LIN7B: variants seen among roughly 807,000 people sequenced by gnomAD.
LIN7B encodes the protein protein lin-7 homolog B.
Under a neutral mutation model 27.9 loss-of-function variants are expected in LIN7B, and 16 were observed. That is an observed-to-expected ratio of 0.57 (90% CI 0.39 to 0.87). The LOEUF is 0.87. Ranked by LOEUF, LIN7B falls within the 40% of genes least tolerant of loss-of-function variation. The pLI is 0.00. For missense variants in LIN7B, 291 were observed against 288.5 expected (o/e 1.01, Z -0.06); for synonymous variants, 147 against 120.8 (o/e 1.22, Z -1.42).
At chr19:49,114,550 G>A (rs2040792224) in intron 1 of LIN7B, 109 bp downstream of exon 1, 2 of 895,704 alleles carry the variant, frequency 2.2e-6, no homozygotes, top group Non-Finnish European at 1.5e-6. Context: ...AGCGGACCCG[G>A]AGGGGGTGGG....
chr19:49,115,247 C>T lies in LIN7B; in HGVS notation c.157-13C>T, dbSNP rs1284807374. 6.5e-7 allele frequency: 1 copy of T among 1,548,930 alleles called. No homozygotes were observed. Among genetic ancestry groups the T allele is most frequent in the Non-Finnish European group, 8.7e-7 (1 of 1,144,968 alleles). The stretch of plus-strand genomic sequence containing the variant: ...AGCTGGCGACTCCCTGATGCCGCTG[C>T]CTCCTCACCCAGGTGTATGAGCAGC... On this transcript the variant is annotated splice_polypyrimidine_tract_variant and intron_variant, in intron 2 of 5. Coordinates refer to ENST00000221459, the MANE Select transcript of LIN7B (RefSeq NM_022165.3).
intron 2 of LIN7B, 113 bp from the exon 3 acceptor site, chr19:49,115,147 C>A: frequency 3.0e-6 from 3 of 997,782 alleles, no homozygotes; most frequent in Non-Finnish European, 4.2e-6. Context: ...CCTTCTGTTG[C>A]GGGGGCGGGG....
Position 49,118,415 on chromosome 19 carries a change from A to C in LIN7B, c.*42A>C, listed in dbSNP as rs768335357. ...GTTCACGTGCACTCTCTTCCTGTACAGTATTTATTGTTCCTGGCACTTTAT... is the reference window on the plus strand; with the variant it reads ...GTTCACGTGCACTCTCTTCCTGTACCGTATTTATTGTTCCTGGCACTTTAT... On this transcript the variant is annotated 3_prime_UTR_variant, in exon 6 of 6. Coordinates refer to ENST00000221459, the MANE Select transcript of LIN7B (RefSeq NM_022165.3). The C allele has an allele frequency of 6.2e-7, 1 of 1,609,690 alleles. No individual in the cohort carries two copies. Among genetic ancestry groups the C allele is most frequent in the Admixed American group, 1.7e-5 (1 of 60,000 alleles).
Position 49,118,012 on chromosome 19 carries a change from G to C in LIN7B, c.596G>C (p.Ser199Thr), listed in dbSNP as rs147107836. The change falls in exon 5 of 6, where the codon AGC (serine) becomes ACC (threonine). Residue 199 changes from serine to threonine, a missense_variant. Transcript: ENST00000221459. The part of the protein sequence containing the change: ...RSARRRQQHQ[S>T]YSSLESRG Reference sequence around the variant, plus strand: ...GCCCGCCGGCGCCAACAGCATCAGAGCTACTCGTGAGCCCCTGGGTCACCA... The same window carrying C: ...GCCCGCCGGCGCCAACAGCATCAGACCTACTCGTGAGCCCCTGGGTCACCA... 33 of 1,613,950 alleles carry C rather than the reference G, an allele frequency of 2.0e-5. No homozygotes were observed. In the East Asian group the frequency reaches 7.4e-4, roughly 36 times the overall value.
At position 49,116,323 on chromosome 19, in the gene LIN7B, C is replaced by T; in HGVS notation, c.289C>T (p.Pro97Ser). ...GHAHPRVVEL[P>S]KTDEGLGFNI... ...CGCACATCCCAGGGTAGTGGAGCTA[C>T]CCAAGACGGATGAGGGCCTAGGCTT... The change falls in exon 4 of 6, where the codon CCC becomes TCC. Residue 97 changes from proline to serine, a missense_variant. Physicochemically the swap from Pro to Ser is moderately conservative, Grantham distance 74. Coordinates refer to ENST00000221459, the MANE Select transcript of LIN7B (RefSeq NM_022165.3). 5 of 1,614,176 alleles carry T rather than the reference C, an allele frequency of 3.1e-6. No individual in the cohort carries two copies. In the South Asian group the frequency reaches 3.3e-5, roughly 11 times the overall value.
chr19:49,114,383 G>A lies in LIN7B; in HGVS notation c.-22G>A, dbSNP rs2040786509. On this transcript the variant is annotated 5_prime_UTR_variant, in exon 1 of 6. Transcript: ENST00000221459. ...CTCGCCGGCGCCAGGGCAGGCGGGCGGCTGGCAGCTGTGGCGCCGACATGG... is the reference window on the plus strand; with the variant it reads ...CTCGCCGGCGCCAGGGCAGGCGGGCAGCTGGCAGCTGTGGCGCCGACATGG... The A allele has an allele frequency of 8.4e-7, 1 of 1,193,774 alleles. No homozygotes were observed. The highest frequency in any genetic ancestry group is 4.2e-5 in the South Asian group (1 of 24,050). The allele number at this position is 1,193,774 out of a possible 1,614,324, so 73.9% of individuals were successfully genotyped here.
At chr19:49,117,045 A>T (rs1490177297) in intron 4 of LIN7B, among the ~76,000 whole-genome samples, 1 of 152,120 alleles carries the variant, frequency 6.6e-6, no homozygotes, top group African/African-American at 2.4e-5. Context: ...CAGGAGTTCA[A>T]GACCAGCCTG....
rs62127931 is a variant in LIN7B, at chr19:49,114,955, C to T, written c.144C>T (p.Ser48=). Residue 48 remains serine (S), a synonymous_variant, in exon 2 of 6, where the codon TCC becomes TCT. Transcript: ENST00000221459. Reference sequence around the variant, plus strand: ...GAGTTCTGCAGAGCCGCTTCTGCTCCGCTATCCGAGAGGTGAGGGGCGCGC... The same window carrying T: ...GAGTTCTGCAGAGCCGCTTCTGCTCTGCTATCCGAGAGGTGAGGGGCGCGC... ...LQRVLQSRFC[S]AIREVYEQLY... 2 of 1,428,756 alleles carry T rather than the reference C, an allele frequency of 1.4e-6. No individual in the cohort carries two copies. The highest frequency in any genetic ancestry group is 1.8e-6 in the Non-Finnish European group (2 of 1,092,458). 88.5% of individuals were successfully genotyped at this position (1,428,756 alleles called of 1,614,324 possible).
intron 3 of LIN7B, among the ~76,000 whole-genome samples, chr19:49,115,658 G>C (rs1049443811): frequency 1.3e-5 from 2 of 151,976 alleles, no homozygotes; most frequent in Admixed American, 1.3e-4. Flanking sequence ...CGGAGGCTCA[G>C]ATCTCCCTCC....
chr19:49,115,904 G>A (rs1449312005), intron 3 of LIN7B: 2 of 177,126 alleles, frequency 1.1e-5, no homozygotes, highest in Non-Finnish European at 2.4e-5. Flanking sequence ...TTACAACTCC[G>A]GAGGCTGAGA....
At chr19:49,118,240 T>TG (rs1444882514) in intron 5 of LIN7B, 112 bp from the exon 6 acceptor site, 1 of 1,381,012 alleles carries the variant, frequency 7.2e-7, no homozygotes, top group African/African-American at 1.4e-5. Context: ...CTACTGTGGC[T>TG]GGGATCCCTC....
chr19:49,114,386 T>G lies in LIN7B; in HGVS notation c.-19T>G. On this transcript the variant is annotated 5_prime_UTR_variant, in exon 1 of 6. Transcript: ENST00000221459. The stretch of plus-strand genomic sequence containing the variant: ...GCCGGCGCCAGGGCAGGCGGGCGGC[T>G]GGCAGCTGTGGCGCCGACATGGCTG... 2.5e-6 allele frequency: 3 copies of G among 1,195,294 alleles called. No homozygotes were observed. The allele number at this position is 1,195,294 out of a possible 1,614,324, so 74.0% of individuals were successfully genotyped here. A position where few individuals can be genotyped will look rare whatever the true frequency, so the allele number is the denominator to read the frequency against.
At chr19:49,116,503 A>G (rs1439588532) in intron 4 of LIN7B, 31 bp downstream of exon 4, 1 of 1,580,074 alleles carries the variant, frequency 6.3e-7, no homozygotes, top group African/African-American at 1.3e-5. Context: ...GGACTGGGGG[A>G]CACAGTCTGT....
chr19:49,116,290 G>A lies in LIN7B; in HGVS notation c.256G>A (p.Glu86Lys), dbSNP rs865989364. The A allele has an allele frequency of 5.0e-6, 8 of 1,613,674 alleles. No individual in the cohort carries two copies. Among genetic ancestry groups the A allele is most frequent in the Non-Finnish European group, 6.8e-6 (8 of 1,179,844 alleles). The change falls in exon 4 of 6, where the codon GAG (glutamate) becomes AAG (lysine). Residue 86 changes from glutamate to lysine, a missense_variant. Physicochemically the swap from Glu to Lys is moderately conservative, Grantham distance 56. Transcript: ENST00000221459. ...KATVAAFTAS[E>K]GHAHPRVVEL... ...CACAGTGGCTGCCTTCACAGCCAGCGAGGGCCACGCACATCCCAGGGTAGT... is the reference window on the plus strand; with the variant it reads ...CACAGTGGCTGCCTTCACAGCCAGCAAGGGCCACGCACATCCCAGGGTAGT...
At chr19:49,117,422 G>A (rs1480413247) in intron 4 of LIN7B, among the ~76,000 whole-genome samples, 7 of 152,040 alleles carry the variant, frequency 4.6e-5, no homozygotes, top group Admixed American at 2.6e-4. Flanking sequence ...CAGCTTGCAG[G>A]TGCAGAAGGA....
intron 1 of LIN7B, 39 bp downstream of exon 1, chr19:49,114,480 G>A (rs2122447600): frequency 8.3e-7 from 1 of 1,199,380 alleles, no homozygotes; most frequent in Non-Finnish European, 1.0e-6. Context: ...CCCGGGCCGC[G>A]GCCTACATAC....
chr19:49,115,029 GCTT>G, intron 2 of LIN7B, 62 bp downstream of exon 2: 1 of 1,146,862 alleles, frequency 8.7e-7, no homozygotes, highest in Non-Finnish European at 1.2e-6. Flanking sequence ...TCCTCCTCCT[GCTT>G]GTCCCGAGCC....
At chr19:49,117,820 G>GC in intron 4 of LIN7B, 35 bp from the exon 5 acceptor site, 3 of 1,589,896 alleles carry the variant, frequency 1.9e-6, no homozygotes, top group Non-Finnish European at 2.6e-6. Context: ...AGGGCAGCGG[G>GC]CCCCAGGCTC....
Position 49,115,272 on chromosome 19 carries a change from C to T in LIN7B, c.169C>T (p.Leu57Phe). The change falls in exon 3 of 6, where the codon CTT (leucine) becomes TTT (phenylalanine). Residue 57 changes from leucine (L) to phenylalanine (F), a missense_variant. Transcript: ENST00000221459. ...CCTCCTCACCCAGGTGTATGAGCAG[C>T]TTTATGACACGCTGGACATCACCGG... ...CSAIREVYEQ[L>F]YDTLDITGSA... 1 of 1,559,076 alleles carries T rather than the reference C, an allele frequency of 6.4e-7. No individual in the cohort carries two copies. Among genetic ancestry groups the T allele is most frequent in the South Asian group, 1.2e-5 (1 of 84,602 alleles).
Sources: allele counts gnomAD v4.1 joint callset (sites outside exome capture counted in the v4.1 genomes callset), GRCh38; gene constraint gnomAD v4.1.1; transcripts MANE v1.5; gene names NCBI Gene and HGNC (gene_info 2026-07-23, HGNC 2026-07-21).